The following NRXN2 variants were observed in gnomAD, a reference collection of about 807,000 sequenced individuals.
The protein encoded by NRXN2 is neurexin-2-beta.
NRXN2 carries 29 observed loss-of-function variants against 128.8 expected under a neutral mutation model. The ratio of observed to expected loss-of-function variants is 0.23; its 90% CI spans 0.17 to 0.31. NRXN2 has a LOEUF of 0.31. Among genes scored for constraint, NRXN2 ranks in the 10% least tolerant of loss-of-function variants. The pLI is 1.00. For missense variants in NRXN2, 1,881 were observed against 2,452.6 expected (o/e 0.77, Z 4.92); for synonymous variants, 1,098 against 1,075.2 (o/e 1.02, Z -0.41).
intron 2 of NRXN2, 192 bp downstream of exon 2, chr11:64,712,778 C>A: frequency 1.4e-6 from 1 of 692,364 alleles, no homozygotes; most frequent in South Asian, 1.5e-5. Context: ...CCCACTCGCC[C>A]CGCCCACCGC....
Position 64,660,445 on chromosome 11 carries a change from C to T in NRXN2, c.2276G>A (p.Arg759His), listed in dbSNP as rs950858043. Reference protein sequence around the residue: ...MHTEAEDVSLRFMSQRAYGLM... With the variant: ...MHTEAEDVSLHFMSQRAYGLM... ...TCCGTAGGCCCGCTGGGACATGAAA[C>T]GCAGGGACACATCCTCTGCCTCCGT... is the stretch of plus-strand genomic sequence containing the variant. Residue 759 changes from arginine to histidine, a missense_variant, in exon 11 of 23, where the codon CGT (arginine) becomes CAT (histidine). Physicochemically the swap from Arg to His is conservative, Grantham distance 29. This residue lies in a region of NRXN2 where 997 missense variants were observed against 1,240.8 expected (regional missense o/e 0.80). Coordinates refer to ENST00000265459, the MANE Select transcript of NRXN2 (RefSeq NM_015080.4). This position sits in a 1 kb window ranked among gnomAD's most constrained non-coding sequence, Gnocchi z 5.2. 8 of 1,614,044 alleles carry T rather than the reference C, an allele frequency of 5.0e-6. No individual in the cohort carries two copies. The East Asian group carries it at 6.7e-5, about 13-fold the overall frequency.
chr11:64,711,446 C>T (rs531985603), intron 2 of NRXN2, among the ~76,000 whole-genome samples: 116 of 152,290 alleles, frequency 7.6e-4, no homozygotes, highest in Non-Finnish European at 1.4e-3. Flanking sequence ...CAGCCAGACC[C>T]TAATGGAAGA....
At chr11:64,688,531 G>A (rs1156773548) in intron 5 of NRXN2, 3 of 985,268 alleles carry the variant, frequency 3.0e-6, no homozygotes, top group Non-Finnish European at 3.6e-6. Flanking sequence ...GCTCAGCAGA[G>A]CACAAACAAG....
chr11:64,607,807 C>A lies in NRXN2; in HGVS notation c.4528G>T (p.Asp1510Tyr). The A allele has an allele frequency of 6.2e-7, 1 of 1,601,456 alleles. No individual in the cohort carries two copies. Among genetic ancestry groups the A allele is most frequent in the East Asian group, 2.3e-5 (1 of 44,066 alleles). ...VFDSSLPPTD[D>Y]EDFYTTFPLV... ...GGAAAGGTGGTGTAAAAGTCCTCGT[C>A]GTCCGTGGGGGGGAGGCTGGAGTCA... Residue 1510 changes from aspartate (D) to tyrosine (Y), a missense_variant, in exon 23 of 23, where the codon GAC becomes TAC. By Grantham distance (160) the Asp-to-Tyr change is radical (BLOSUM62 -3). Around this residue, in one of 7 missense-constraint regions of NRXN2, gnomAD observed 310 missense variants for 318.2 expected, o/e 0.97. Coordinates refer to ENST00000265459, the MANE Select transcript of NRXN2 (RefSeq NM_015080.4).
intron 17 of NRXN2, among the ~76,000 whole-genome samples, chr11:64,643,679 G>C (rs2046172185): frequency 6.6e-6 from 1 of 151,534 alleles, no homozygotes; most frequent in Non-Finnish European, 1.5e-5. Context: ...CCCGATCTGC[G>C]GGCGGCGCTG....
chr11:64,704,283 C>A (rs954266090), intron 2 of NRXN2, among the ~76,000 whole-genome samples: 2 of 151,970 alleles, frequency 1.3e-5, no homozygotes, highest in Non-Finnish European at 2.9e-5. Flanking sequence ...GATTGATGAT[C>A]AAGGACAGTG....
rs915456390 is a variant in NRXN2 at position 64,648,777 on chromosome 11, G to A, written c.3240C>T (p.Ala1080=). The change falls in exon 16 of 23, where the codon GCC becomes GCT. Residue 1080 remains alanine (A), a synonymous_variant. Coordinates refer to ENST00000265459, the MANE Select transcript of NRXN2 (RefSeq NM_015080.4). This position sits in a 1 kb window ranked among gnomAD's most constrained non-coding sequence, Gnocchi z 4.1. The stretch of plus-strand genomic sequence containing the variant: ...CCTGCCCAATGCGGTGCAGGGCGTC[G>A]GCGATGAGGTCTGGGAGACGTCCGT... The part of the protein sequence containing the change: ...DLNGRLPDLI[A]DALHRIGQVE... The A allele has an allele frequency of 5.4e-5, 87 of 1,614,022 alleles. No homozygotes were observed. The highest frequency in any genetic ancestry group is 6.7e-5 in the Non-Finnish European group (79 of 1,180,022).
chr11:64,643,125 G>A (rs2046005927), intron 17 of NRXN2: 1 of 984,388 alleles, frequency 1.0e-6, no homozygotes, highest in African/African-American at 1.8e-5. Flanking sequence ...CGGGGGAGGG[G>A]GCATGGTGCC....
intron 2 of NRXN2, among the ~76,000 whole-genome samples, chr11:64,712,285 T>C (rs2666561): frequency 0.92 from 138,304 of 149,760 alleles, 64,892 homozygotes; most frequent in East Asian, 1. Context: ...TGCCCTGTCT[T>C]GTAGGCCCTG....
At chr11:64,628,031 T>C (rs190701383) in intron 19 of NRXN2, among the ~76,000 whole-genome samples, 1 of 152,262 alleles carries the variant, frequency 6.6e-6, no homozygotes, top group African/African-American at 2.4e-5. Context: ...GATATTTGTG[T>C]TTAAATTAAA....
chr11:64,719,196 G>A (rs2057373128), intron 1 of NRXN2, among the ~76,000 whole-genome samples: 2 of 152,096 alleles, frequency 1.3e-5, no homozygotes, highest in Non-Finnish European at 2.9e-5. Context: ...TGTTTCCTCT[G>A]ATCCTCACCA....
chr11:64,642,835 A>G (rs1311554056), intron 17 of NRXN2: 2 of 1,027,682 alleles, frequency 1.9e-6, no homozygotes, highest in African/African-American at 1.8e-5. Flanking sequence ...TCACAGCCCC[A>G]TGGCCGGGGG....
rs1317476137 is a variant in NRXN2 at position 64,713,148 on chromosome 11, C to T, written c.552G>A (p.Leu184=). 3 of 1,442,292 alleles carry T rather than the reference C, an allele frequency of 2.1e-6. No homozygotes were observed. The East Asian group carries it at 9.3e-5, about 45-fold the overall frequency. 89.3% of individuals were successfully genotyped at this position (1,442,292 alleles called of 1,614,324 possible). A position where few individuals can be genotyped will look rare whatever the true frequency, so the allele number is the denominator to read the frequency against. ...CCAGCAGCGCGGGGGGCCGCTCGCC[C>T]AGCTTCAGGTTGGCCAAGAGGCCGC... ...PFRGLLANLK[L]GERPPALLGS... Residue 184 remains leucine (L), a synonymous_variant, in exon 2 of 23, where the codon CTG becomes CTA. Transcript: ENST00000265459.
chr11:64,676,472 C>T (rs1193488645), intron 7 of NRXN2: 1 of 169,262 alleles, frequency 5.9e-6, no homozygotes, highest in Non-Finnish European at 1.3e-5. Context: ...GTCTCACCCC[C>T]AGACCCCTCC....
At chr11:64,652,937 G>A (rs961984348) in intron 12 of NRXN2, among the ~76,000 whole-genome samples, 3 of 140,262 alleles carry the variant, frequency 2.1e-5, no homozygotes, top group South Asian at 2.7e-4. Context: ...CCCCCACCCC[G>A]AGGGCTCCAG....
intron 1 of NRXN2, among the ~76,000 whole-genome samples, chr11:64,715,694 G>A (rs1299740909): frequency 6.6e-6 from 1 of 152,016 alleles, no homozygotes; most frequent in African/African-American, 2.4e-5. Flanking sequence ...ATCCTACAAG[G>A]CTCCAATGGG....
chr11:64,719,987 C>G (rs1565489355), intron 1 of NRXN2, among the ~76,000 whole-genome samples: 1 of 152,232 alleles, frequency 6.6e-6, no homozygotes, highest in Non-Finnish European at 1.5e-5. Context: ...CGCACAAGGC[C>G]AGGCACACAG....
At chr11:64,609,903 C>T (rs2040354715) in intron 22 of NRXN2, among the ~76,000 whole-genome samples, 1 of 152,134 alleles carries the variant, frequency 6.6e-6, no homozygotes, top group African/African-American at 2.4e-5. Context: ...TAAAGCACCC[C>T]AGGGCCTCCA....
chr11:64,713,313 G>T lies in NRXN2; in HGVS notation c.387C>A (p.Asp129Glu). Residue 129 changes from aspartate to glutamate, a missense_variant, in exon 2 of 23, where the codon GAC (aspartate) becomes GAA (glutamate). By Grantham distance (45) the Asp-to-Glu change is conservative (BLOSUM62 2). Around this residue, in one of 7 missense-constraint regions of NRXN2, gnomAD observed 997 missense variants for 1,240.8 expected, o/e 0.80. Coordinates refer to ENST00000265459, the MANE Select transcript of NRXN2 (RefSeq NM_015080.4). ...RDARRTALAV[D>E]GEARAAEVRS... ...GCACCTCGGCGGCGCGGGCCTCGCC[G>T]TCCACCGCCAGCGCCGTGCGGCGCG... The T allele has an allele frequency of 7.3e-7, 1 of 1,362,002 alleles. No individual in the cohort carries two copies. Among genetic ancestry groups the T allele is most frequent in the Non-Finnish European group, 9.4e-7 (1 of 1,063,920 alleles). 84.4% of individuals were successfully genotyped at this position (1,362,002 alleles called of 1,614,324 possible). A position where few individuals can be genotyped will look rare whatever the true frequency, so the allele number is the denominator to read the frequency against.
Sources: allele counts gnomAD v4.1 joint callset (sites outside exome capture counted in the v4.1 genomes callset), GRCh38; gene constraint gnomAD v4.1.1; regional missense constraint gnomAD v4.1.1; non-coding constraint Gnocchi (gnomAD v3.1); transcripts MANE v1.5; gene names NCBI Gene and HGNC (gene_info 2026-07-23, HGNC 2026-07-21).